The following ULK4 variants were observed in gnomAD, a reference collection of about 807,000 sequenced individuals.
ULK4 encodes the protein unc-51 like kinase 4, also known as inactive serine/threonine-protein kinase ULK4.
Under a neutral mutation model 160.6 loss-of-function variants are expected in ULK4, and 133 were observed. The observed-to-expected ratio is 0.83, with a 90% CI of 0.72 to 0.96. The LOEUF is 0.96. Ranked by LOEUF, ULK4 falls within the 40% of genes least tolerant of loss-of-function variation. The pLI is 0.00. For synonymous variants in ULK4, 534 were observed against 539.8 expected, an observed-to-expected ratio of 0.99 and a Z score of 0.15; for missense variants, 1,580 against 1,499.5, an observed-to-expected ratio of 1.05 and a Z score of -0.89.
At chr3:41,463,055 C>G (rs935052418) in intron 33 of ULK4, 32 bp downstream of exon 33, 1 of 1,603,244 alleles carries the variant, frequency 6.2e-7, no homozygotes, top group African/African-American at 1.3e-5. Flanking sequence ...TGGAGTAGGG[C>G]TGCTCAAGAC....
chr3:41,631,957 G>A (rs2033765316), intron 30 of ULK4, among the ~76,000 whole-genome samples: 1 of 152,170 alleles, frequency 6.6e-6, no homozygotes, highest in Admixed American at 6.5e-5. Flanking sequence ...TCTGTCCAGT[G>A]CTTTCCATTC....
intron 32 of ULK4, among the ~76,000 whole-genome samples, chr3:41,476,917 T>G (rs1020749673): frequency 2.6e-5 from 4 of 152,130 alleles, no homozygotes; most frequent in Admixed American, 6.5e-5. Flanking sequence ...GACTAGTAGG[T>G]AGGTATAGGA....
In ULK4 at chr3:41,615,692, G is replaced by A. The variant is rs369502975; in HGVS notation, c.3097C>T (p.Pro1033Ser). ...ACCAGAGTTACTTCAAAAATGAGTG[G>A]GATCAGTTTGCTTTCTTCCACAAGT... ...TRLVEESKLI[P>S]LIFEVTLEHQ... is the part of the protein sequence containing the mutation. Residue 1033 changes from proline to serine, a missense_variant, in exon 31 of 37, where the codon CCA becomes TCA. By Grantham distance (74) the Pro-to-Ser change is moderately conservative. Coordinates refer to ENST00000301831, the MANE Select transcript of ULK4 (RefSeq NM_017886.4). The A allele has an allele frequency of 3.7e-6, 6 of 1,612,472 alleles. No individual in the cohort carries two copies. The highest frequency in any genetic ancestry group is 1.7e-4 in the Middle Eastern group (1 of 6,036).
intron 22 of ULK4, among the ~76,000 whole-genome samples, chr3:41,737,051 C>A (rs1188131951): frequency 1.3e-5 from 2 of 151,686 alleles, no homozygotes; most frequent in African/African-American, 2.4e-5. Flanking sequence ...CATTGGTCTA[C>A]ATCTCTGTTT....
In ULK4 at chr3:41,402,729, T is replaced by C. The variant is rs796984043; in HGVS notation, c.3493-4465A>G. Among the ~76,000 whole-genome samples, 6 of 152,336 alleles carry C rather than the reference T, an allele frequency of 3.9e-5. No homozygotes were observed. The South Asian group carries it at 1.0e-3, about 26-fold the overall frequency. On this transcript the variant is annotated intron_variant, in intron 34 of 36. Transcript: ENST00000301831. ...AATTCTGCTCTGCTCATTCTCTTTA[T>C]ACATTGATGTATTCAATTTGCTAAT...
At position 41,431,547 on chromosome 3, in the gene ULK4, C is replaced by CATTTTTTTTTTTTTTTTTTTTTT. The variant is rs563543377; in HGVS notation, c.3492+23949_3492+23950insAAAAAAAAAAAAAAAAAAAAAAT. On this transcript the variant is annotated intron_variant, in intron 34 of 36. Coordinates refer to ENST00000301831, the MANE Select transcript of ULK4 (RefSeq NM_017886.4). ...CCTGTGAGGTGTTGTAATTCCCTCC[C>CATTTTTTTTTTTTTTTTTTTTTT]TTTTTTTTTTTTTTTGATGTGGAAA... Among the ~76,000 whole-genome samples, 49 of 95,866 alleles carry CATTTTTTTTTTTTTTTTTTTTTT rather than the reference C, an allele frequency of 5.1e-4. 3 individuals are homozygous for CATTTTTTTTTTTTTTTTTTTTTT. Among genetic ancestry groups the CATTTTTTTTTTTTTTTTTTTTTT allele is most frequent in the African/African-American group, 2.1e-3 (49 of 23,686 alleles). 62.9% of individuals were successfully genotyped at this position (95,866 alleles called of 152,430 possible).
At chr3:41,761,713 T>C (rs1268336889) in intron 21 of ULK4, among the ~76,000 whole-genome samples, 1 of 152,118 alleles carries the variant, frequency 6.6e-6, no homozygotes, top group African/African-American at 2.4e-5. Flanking sequence ...GTTGATCATA[T>C]AACAGATCAT....
chr3:41,431,465 T>C (rs1293319678), intron 34 of ULK4, among the ~76,000 whole-genome samples: 1 of 150,428 alleles, frequency 6.6e-6, no homozygotes, highest in East Asian at 1.9e-4. Context: ...GTTTAACATA[T>C]GCCAAGGGCT....
intron 18 of ULK4, among the ~76,000 whole-genome samples, chr3:41,834,637 C>T (rs1281424973): frequency 6.6e-6 from 1 of 152,184 alleles, no homozygotes; most frequent in Non-Finnish European, 1.5e-5. Context: ...TGTTTTATAA[C>T]AATCATGGTA....
chr3:41,747,751 G>A (rs865829360), intron 22 of ULK4, among the ~76,000 whole-genome samples: 1 of 152,044 alleles, frequency 6.6e-6, no homozygotes, highest in African/African-American at 2.4e-5. Flanking sequence ...ACACACAAAG[G>A]AAAGGCCATG....
At chr3:41,357,574 T>C (rs1443133893) in intron 35 of ULK4, among the ~76,000 whole-genome samples, 2 of 152,130 alleles carry the variant, frequency 1.3e-5, no homozygotes, top group Non-Finnish European at 1.5e-5. Flanking sequence ...GAGAGATCCT[T>C]GGCACTGGAG....
At chr3:41,346,582 G>A (rs1327317433) in intron 35 of ULK4, among the ~76,000 whole-genome samples, 1 of 152,148 alleles carries the variant, frequency 6.6e-6, no homozygotes, top group Non-Finnish European at 1.5e-5. Flanking sequence ...GAGGGAGGCT[G>A]AAAGGGGTAT....
intron 32 of ULK4, among the ~76,000 whole-genome samples, chr3:41,468,969 C>T (rs994056972): frequency 2.6e-5 from 4 of 152,162 alleles, no homozygotes; most frequent in African/African-American, 9.7e-5. Flanking sequence ...AGCAGTAGTG[C>T]CCAATCAGTG....
At chr3:41,856,631 G>GTGTATATATATACACATATATATATATA in intron 17 of ULK4, among the ~76,000 whole-genome samples, 1 of 129,694 alleles carries the variant, frequency 7.7e-6, no homozygotes. Context: ...ATATATATAT[G>GTGTATATATATACACATATATATATATA]TATATATATG....
At chr3:41,946,403 G>C (rs561021559) in intron 2 of ULK4, among the ~76,000 whole-genome samples, 11 of 152,312 alleles carry the variant, frequency 7.2e-5, no homozygotes, top group African/African-American at 2.4e-4. Context: ...CATCTGGAGA[G>C]GGCAGGAGGC....
At chr3:41,517,962 G>A (rs1044741940) in intron 32 of ULK4, among the ~76,000 whole-genome samples, 1 of 152,172 alleles carries the variant, frequency 6.6e-6, no homozygotes, top group Admixed American at 6.5e-5. Flanking sequence ...ATATTCCATG[G>A]CTCAAAAAAG....
chr3:41,701,533 A>G (rs2036675344), intron 27 of ULK4, among the ~76,000 whole-genome samples: 1 of 152,238 alleles, frequency 6.6e-6, no homozygotes, highest in Non-Finnish European at 1.5e-5. Flanking sequence ...TTTATCAGAC[A>G]GATAGTTTGC....
intron 22 of ULK4, among the ~76,000 whole-genome samples, chr3:41,743,418 C>A (rs1017735264): frequency 6.6e-6 from 1 of 151,280 alleles, no homozygotes; most frequent in Non-Finnish European, 1.5e-5. Context: ...GAAAAAGTAA[C>A]CTTTTTTTCC....
At chr3:41,587,123 T>G (rs2030879849) in intron 31 of ULK4, among the ~76,000 whole-genome samples, 4 of 152,268 alleles carry the variant, frequency 2.6e-5, no homozygotes, top group Admixed American at 2.6e-4. Flanking sequence ...CAGAATTCAG[T>G]TGATTGTGGT....
Sources: allele counts gnomAD v4.1 joint callset (sites outside exome capture counted in the v4.1 genomes callset), GRCh38; gene constraint gnomAD v4.1.1; transcripts MANE v1.5; gene names NCBI Gene and HGNC (gene_info 2026-07-23, HGNC 2026-07-21).